Variants in UBASH3A observed in about 807,000 individuals in gnomAD.
The protein encoded by UBASH3A is ubiquitin-associated and SH3 domain-containing protein A.
Under a neutral mutation model 73.5 loss-of-function variants are expected in UBASH3A, and 63 were observed. The observed-to-expected ratio is 0.86, with a 90% CI of 0.70 to 1.06. The LOEUF is 1.06. UBASH3A is among the 50% of genes least tolerant of loss of function. The pLI, the probability that UBASH3A is intolerant of heterozygous loss-of-function variation, is 0.00. For missense variants in UBASH3A, 860 were observed against 859.0 expected, an observed-to-expected ratio of 1.00 and a Z score of -0.02; for synonymous variants, 363 against 351.1, an observed-to-expected ratio of 1.03 and a Z score of -0.38.
chr21:42,418,174 G>T lies in UBASH3A; in HGVS notation c.838-227G>T, dbSNP rs191036496. 2.6e-5 allele frequency among the ~76,000 whole-genome samples: 4 copies of T among 152,132 alleles called. No individual in the cohort carries two copies. In the East Asian group the frequency reaches 7.7e-4, roughly 29 times the overall value. ...TGGGATTACAGGCGTGAGCCACCGC[G>T]CCTGGCCCCAAAATGTATTTCTAAA... On this transcript the variant is annotated intron_variant, in intron 6 of 14. Transcript: ENST00000319294.
intron 14 of UBASH3A, among the ~76,000 whole-genome samples, chr21:42,445,005 G>A (rs1396168836): frequency 1.3e-5 from 2 of 152,228 alleles, no homozygotes; most frequent in African/African-American, 4.8e-5. Context: ...CTGGGGACCT[G>A]GGGCAGGGCG....
chr21:42,419,381 T>G (rs2053289703), intron 7 of UBASH3A, among the ~76,000 whole-genome samples: 1 of 152,230 alleles, frequency 6.6e-6, no homozygotes, highest in African/African-American at 2.4e-5. Context: ...AGAAACCAGG[T>G]GATACACTTA....
chr21:42,439,893 TACCACACACAC>T (rs1428786883), intron 11 of UBASH3A, among the ~76,000 whole-genome samples: 2 of 104,232 alleles, frequency 1.9e-5, no homozygotes, highest in African/African-American at 7.7e-5. Context: ...TGAACACACA[TACCACACACAC>T]ACCACACACC....
chr21:42,415,782 G>A (rs1342662637), intron 5 of UBASH3A, among the ~76,000 whole-genome samples: 2 of 152,226 alleles, frequency 1.3e-5, no homozygotes, highest in African/African-American at 4.8e-5. Context: ...TGACACCAAA[G>A]TTTGTGTTGT....
chr21:42,430,771 T>G (rs1183396631), intron 8 of UBASH3A, among the ~76,000 whole-genome samples: 3 of 152,212 alleles, frequency 2.0e-5, no homozygotes, highest in Admixed American at 2.0e-4. Context: ...TGCAGCTTCA[T>G]GGACCAGCAT....
chr21:42,447,010 T>C, intron 14 of UBASH3A, 47 bp from the exon 15 acceptor site: 2 of 1,582,434 alleles, frequency 1.3e-6, no homozygotes, highest in East Asian at 4.5e-5. Flanking sequence ...CTGAAATTGA[T>C]GGACTTGCTA....
Position 42,442,457 on chromosome 21 carries a change from A to C in UBASH3A, c.1492A>C (p.Lys498Gln), listed in dbSNP as rs779522176. The C allele has an allele frequency of 1.2e-6, 2 of 1,613,656 alleles. No homozygotes were observed. The highest frequency in any genetic ancestry group is 2.7e-5 in the African/African-American group (2 of 74,866). ...TTGTATTCTGTTGAATCCAGAACTC[A>C]AACTGGAGAAAAAAATCAAGATACG... ...QTAKLILEEL[K>Q]LEKKIKIRVE... The change falls in exon 12 of 15, where the codon AAA becomes CAA. Residue 498 changes from lysine to glutamine, a missense_variant. Lys to Gln is a moderately conservative substitution (Grantham distance 53). Transcript: ENST00000319294.
intron 5 of UBASH3A, among the ~76,000 whole-genome samples, chr21:42,415,163 A>G (rs951683551): frequency 1.3e-5 from 2 of 152,238 alleles, no homozygotes; most frequent in Non-Finnish European, 1.5e-5. Context: ...CCATAGGCAC[A>G]GGTCCGCAGA....
At chr21:42,428,350 C>A (rs911324386) in intron 8 of UBASH3A, among the ~76,000 whole-genome samples, 1 of 152,106 alleles carries the variant, frequency 6.6e-6, no homozygotes, top group Non-Finnish European at 1.5e-5. Flanking sequence ...GGTGAGGAGG[C>A]CTTTTCTTGA....
chr21:42,427,399 G>A (rs2053456695), intron 8 of UBASH3A, among the ~76,000 whole-genome samples: 1 of 152,208 alleles, frequency 6.6e-6, no homozygotes, highest in African/African-American at 2.4e-5. Context: ...CCTCAGGAAG[G>A]GGCTGTACCT....
chr21:42,427,256 G>A (rs920031709), intron 8 of UBASH3A, among the ~76,000 whole-genome samples: 1 of 152,188 alleles, frequency 6.6e-6, no homozygotes, highest in Admixed American at 6.5e-5. Context: ...CCCTCATGGG[G>A]CACATCCAGG....
intron 13 of UBASH3A, among the ~76,000 whole-genome samples, chr21:42,443,782 G>A (rs879631347): frequency 8.7e-6 from 1 of 114,298 alleles, no homozygotes; most frequent in African/African-American, 3.4e-5. Flanking sequence ...GCTGCTGCTG[G>A]TGCAGTAACC....
intron 10 of UBASH3A, among the ~76,000 whole-genome samples, chr21:42,436,607 C>G (rs1018928652): frequency 6.6e-6 from 1 of 152,170 alleles, no homozygotes; most frequent in Non-Finnish European, 1.5e-5. Context: ...CCAAATGAGT[C>G]ACATTCTAAG....
At chr21:42,430,419 G>A (rs1210698761) in intron 8 of UBASH3A, among the ~76,000 whole-genome samples, 1 of 152,162 alleles carries the variant, frequency 6.6e-6, no homozygotes, top group African/African-American at 2.4e-5. Context: ...TGCAGACAAG[G>A]CTTACCTCTC....
At chr21:42,410,084 A>G in intron 3 of UBASH3A, 1 of 702,352 alleles carries the variant, frequency 1.4e-6, no homozygotes, top group South Asian at 1.5e-5. Flanking sequence ...ATTGTTGGCT[A>G]CCCACAAATG....
In UBASH3A at chr21:42,418,362, C is replaced by G. The variant is rs201764235; in HGVS notation, c.838-39C>G. On this transcript the variant is annotated intron_variant, in intron 6 of 14. Coordinates refer to ENST00000319294, the MANE Select transcript of UBASH3A (RefSeq NM_018961.4). ...ATTGCTGCCATTTTCCAATGTAAATCTTTGCTCGAGACGTGAAACCCCTTT... is the reference window on the plus strand; with the variant it reads ...ATTGCTGCCATTTTCCAATGTAAATGTTTGCTCGAGACGTGAAACCCCTTT... The G allele has an allele frequency of 6.3e-6, 10 of 1,584,158 alleles. No homozygotes were observed. In the Admixed American group the frequency reaches 8.4e-5, roughly 13 times the overall value.
chr21:42,430,663 C>A lies in UBASH3A; in HGVS notation c.1171-1440C>A. On this transcript the variant is annotated intron_variant, in intron 8 of 14. Coordinates refer to ENST00000319294, the MANE Select transcript of UBASH3A (RefSeq NM_018961.4). ...CCCACCTCCCGTGGCAGGCCGTGTT[C>A]GCTCTGCCCCCACCATCTCTGTTAA... Among the ~76,000 whole-genome samples the A allele has an allele frequency of 2.0e-5, 3 of 152,304 alleles. No homozygotes were observed. In the East Asian group the frequency reaches 5.8e-4, roughly 29 times the overall value.
At chr21:42,428,350 C>G (rs911324386) in intron 8 of UBASH3A, among the ~76,000 whole-genome samples, 3 of 152,106 alleles carry the variant, frequency 2.0e-5, no homozygotes, top group South Asian at 2.1e-4. Flanking sequence ...GGTGAGGAGG[C>G]CTTTTCTTGA....
chr21:42,422,664 G>A (rs1256029301), intron 7 of UBASH3A, among the ~76,000 whole-genome samples: 1 of 152,028 alleles, frequency 6.6e-6, no homozygotes, highest in Non-Finnish European at 1.5e-5. Flanking sequence ...AATATTTGCA[G>A]CTTTAAAATA....
Sources: allele counts gnomAD v4.1 joint callset (sites outside exome capture counted in the v4.1 genomes callset), GRCh38; gene constraint gnomAD v4.1.1; transcripts MANE v1.5; gene names NCBI Gene and HGNC (gene_info 2026-07-23, HGNC 2026-07-21).